Variants in FEM1C observed in about 807,000 individuals in gnomAD.
FEM1C encodes protein fem-1 homolog C.
Under a neutral mutation model 37.6 loss-of-function variants are expected in FEM1C, and 15 were observed. The ratio of observed to expected loss-of-function variants is 0.40; its 90% CI spans 0.27 to 0.61. The LOEUF (loss-of-function observed/expected upper bound fraction) is 0.61. Among genes scored for constraint, FEM1C ranks in the 20% least tolerant of loss-of-function variants. FEM1C has a pLI of 0.42. For synonymous variants in FEM1C, 287 were observed against 272.8 expected (o/e 1.05, Z -0.51); for missense variants, 532 against 749.7 (o/e 0.71, Z 3.39).
chr5:115,539,031 G>A (rs1343946721), intron 2 of FEM1C, among the ~76,000 whole-genome samples: 1 of 152,016 alleles, frequency 6.6e-6, no homozygotes, highest in Non-Finnish European at 1.5e-5. Flanking sequence ...AGTTAAAAAT[G>A]TGACACCTCG....
intron 2 of FEM1C, among the ~76,000 whole-genome samples, chr5:115,528,865 T>C (rs1483449442): frequency 6.6e-6 from 1 of 152,076 alleles, no homozygotes; most frequent in Non-Finnish European, 1.5e-5. Flanking sequence ...AAATTGAGAA[T>C]TCAACAGAAA....
At chr5:115,533,142 A>G (rs1754052278) in intron 2 of FEM1C, among the ~76,000 whole-genome samples, 1 of 152,094 alleles carries the variant, frequency 6.6e-6, no homozygotes, top group East Asian at 1.9e-4. Context: ...CAATGGGATT[A>G]TAAAAATTGT....
rs1753773470 is a variant in FEM1C at position 115,521,488 on chromosome 5, G to A, written c.*2820C>T. The A allele has an allele frequency of 6.6e-6, 1 of 151,732 alleles. No individual in the cohort carries two copies. The highest frequency in any genetic ancestry group is 2.4e-5 in the African/African-American group (1 of 41,352). The allele number at this position is 151,732 out of a possible 1,614,324, so 9.4% of individuals were successfully genotyped here. A position where few individuals can be genotyped will look rare whatever the true frequency, so the allele number is the denominator to read the frequency against. On this transcript the variant is annotated 3_prime_UTR_variant, in exon 3 of 3. Coordinates refer to ENST00000274457, the MANE Select transcript of FEM1C (RefSeq NM_020177.3). ...TGTCAGATTTATGAATAAGAAAAAT[G>A]ACTATTTTTAAGTCTATAATCCATT...
At chr5:115,527,671 TTTCTC>T (rs148379759) in intron 2 of FEM1C, among the ~76,000 whole-genome samples, 2,928 of 152,194 alleles carry the variant, frequency 0.019, 46 homozygotes, top group Middle Eastern at 0.054. Flanking sequence ...AGATGGCACT[TTTCTC>T]TATTCAGAGT....
At position 115,543,014 on chromosome 5, in the gene FEM1C, T is replaced by A; in HGVS notation, c.480A>T (p.Gly160=). The A allele has an allele frequency of 5.0e-6, 8 of 1,614,260 alleles. No individual in the cohort carries two copies. The highest frequency in any genetic ancestry group is 5.9e-6 in the Non-Finnish European group (7 of 1,180,050). ...GTAAATACTGAGCAATCTCTTTATG[T>A]CCTTTGTAACATGAAATCATCAAGC... is the stretch of plus-strand genomic sequence containing the variant. ...HTCLMISCYK[G]HKEIAQYLLE... Residue 160 remains glycine, a synonymous_variant, in exon 2 of 3, where the codon GGA becomes GGT. Coordinates refer to ENST00000274457, the MANE Select transcript of FEM1C (RefSeq NM_020177.3).
chr5:115,544,263 C>T (rs796195382), intron 1 of FEM1C: 2 of 784,258 alleles, frequency 2.6e-6, no homozygotes, highest in African/African-American at 1.9e-5. Flanking sequence ...GATCACCCCC[C>T]ACCCCCCGCC....
At chr5:115,541,401 A>G (rs906483768) in intron 2 of FEM1C, among the ~76,000 whole-genome samples, 8 of 152,144 alleles carry the variant, frequency 5.3e-5, no homozygotes, top group Non-Finnish European at 1.0e-4. Flanking sequence ...CACTTGTATC[A>G]TTTTTATAAA....
intron 2 of FEM1C, among the ~76,000 whole-genome samples, chr5:115,533,473 G>A (rs1244514228): frequency 6.6e-6 from 1 of 151,944 alleles, no homozygotes; most frequent in Admixed American, 6.6e-5. Context: ...TGAGTTACCA[G>A]GGTCTTGTGA....
chr5:115,525,047 A>G lies in FEM1C; in HGVS notation c.1115T>C (p.Leu372Ser). The G allele has an allele frequency of 6.2e-7, 1 of 1,613,790 alleles. No individual in the cohort carries two copies. The highest frequency in any genetic ancestry group is 8.5e-7 in the Non-Finnish European group (1 of 1,179,840). The change falls in exon 3 of 3, where the codon TTG becomes TCG. Residue 372 changes from leucine (L) to serine (S), a missense_variant. By Grantham distance (145) the Leu-to-Ser change is moderately radical. Coordinates refer to ENST00000274457, the MANE Select transcript of FEM1C (RefSeq NM_020177.3). ...GGCGGTCATTGGGCTTAAAGGATCC[A>G]AATTGCTCTGCTGCATATCCAAAGC... Reference protein sequence around the residue: ...KYALDMQQSNLDPLSPMTASS... With the variant: ...KYALDMQQSNSDPLSPMTASS...
intron 2 of FEM1C, among the ~76,000 whole-genome samples, chr5:115,539,924 C>T (rs192918255): frequency 1.7e-3 from 265 of 152,094 alleles, no homozygotes; most frequent in South Asian, 7.5e-3. Context: ...AAATATCAAC[C>T]GCCTGTTTAA....
rs146263635 is a variant in FEM1C, at chr5:115,536,759, T to C, written c.544+6191A>G. 1.2e-4 allele frequency among the ~76,000 whole-genome samples: 18 copies of C among 152,100 alleles called. No homozygotes were observed. In the South Asian group the frequency reaches 1.2e-3, roughly 10 times the overall value. On this transcript the variant is annotated intron_variant, in intron 2 of 2. Transcript: ENST00000274457. ...TACTATGTGCCCTCCCTTCATTAAT[T>C]CTTTGTATAAGGCACTGAGCAAAGA...
rs1753832030 is a variant in FEM1C at position 115,524,165 on chromosome 5, T to C, written c.*143A>G. On this transcript the variant is annotated 3_prime_UTR_variant, in exon 3 of 3. Transcript: ENST00000274457. ...ATATTGGGAAACCAATGTTGTAAATTTGATGCTTATAATGCTTTAGCCAAT... is the reference window on the plus strand; with the variant it reads ...ATATTGGGAAACCAATGTTGTAAATCTGATGCTTATAATGCTTTAGCCAAT... 4.8e-6 allele frequency: 3 copies of C among 623,702 alleles called. No individual in the cohort carries two copies. Among genetic ancestry groups the C allele is most frequent in the African/African-American group, 1.9e-5 (1 of 53,970 alleles). The allele number at this position is 623,702 out of a possible 1,614,324, so 38.6% of individuals were successfully genotyped here. A position where few individuals can be genotyped will look rare whatever the true frequency, so the allele number is the denominator to read the frequency against.
At chr5:115,526,501 G>A (rs1211559384) in intron 2 of FEM1C, among the ~76,000 whole-genome samples, 1 of 152,098 alleles carries the variant, frequency 6.6e-6, no homozygotes, top group African/African-American at 2.4e-5. Context: ...GATTAAAACT[G>A]ACAACAGGCA....
chr5:115,542,865 A>T (rs767386814), intron 2 of FEM1C, 85 bp downstream of exon 2: 164 of 1,488,548 alleles, frequency 1.1e-4, no homozygotes, highest in Non-Finnish European at 1.4e-4. Context: ...ATGCTGGTTT[A>T]CTCAACACCA....
At chr5:115,544,418 G>A in intron 1 of FEM1C, 105 bp downstream of exon 1, 1 of 154,740 alleles carries the variant, frequency 6.5e-6, no homozygotes, top group Non-Finnish European at 1.4e-5. Flanking sequence ...CCTCCAGCCC[G>A]CTGCCCGCCT....
intron 2 of FEM1C, among the ~76,000 whole-genome samples, chr5:115,525,914 G>A (rs1753881160): frequency 6.6e-6 from 1 of 152,060 alleles, no homozygotes; most frequent in South Asian, 2.1e-4. Flanking sequence ...GTTTTAAAGT[G>A]CATATTTTAT....
intron 2 of FEM1C, among the ~76,000 whole-genome samples, chr5:115,542,564 A>T (rs1580386666): frequency 4.3e-5 from 1 of 23,492 alleles, no homozygotes; most frequent in Non-Finnish European, 7.8e-5. Context: ...AGGTTGTTCT[A>T]AAAAAAAAAA....
rs1250839224 is a variant in FEM1C at position 115,523,003 on chromosome 5, AAG to A, written c.*1303_*1304del. 2 of 152,300 alleles carry A rather than the reference AAG, an allele frequency of 1.3e-5. No homozygotes were observed. The highest frequency in any genetic ancestry group is 2.9e-5 in the Non-Finnish European group (2 of 67,898). The allele number at this position is 152,300 out of a possible 1,614,324, so 9.4% of individuals were successfully genotyped here. A position where few individuals can be genotyped will look rare whatever the true frequency, so the allele number is the denominator to read the frequency against. On this transcript the variant is annotated 3_prime_UTR_variant, in exon 3 of 3. Coordinates refer to ENST00000274457, the MANE Select transcript of FEM1C (RefSeq NM_020177.3). ...AAAGAGTGAGAGAAAGAAAGGAAGA[AAG>A]AGAAAAGAAAAAGCTAACTTCCAGT...
chr5:115,526,536 T>C (rs1753898132), intron 2 of FEM1C, among the ~76,000 whole-genome samples: 1 of 152,164 alleles, frequency 6.6e-6, no homozygotes, highest in Non-Finnish European at 1.5e-5. Flanking sequence ...AAAGCCTGTA[T>C]GAAACACATT....
Sources: gnomAD v4.1 joint callset for allele counts (sites outside exome capture counted in the v4.1 genomes callset) on GRCh38, gnomAD v4.1.1 for gene constraint, MANE v1.5 for transcripts, NCBI Gene and HGNC (gene_info 2026-07-23, HGNC 2026-07-21) for gene names.